LONP2: variants seen among roughly 807,000 people sequenced by gnomAD.
The protein encoded by LONP2 is lon protease homolog 2, peroxisomal.
A neutral mutation model predicts 85.6 loss-of-function variants in LONP2; 60 were observed. That is an observed-to-expected ratio of 0.70 (90% CI 0.57 to 0.87). The LOEUF (loss-of-function observed/expected upper bound fraction) is 0.87. LONP2 is among the 40% of genes least tolerant of loss of function. The pLI, the probability that LONP2 is intolerant of heterozygous loss-of-function variation, is 0.00. For synonymous variants in LONP2, 395 were observed against 389.7 expected, an observed-to-expected ratio of 1.01 and a Z score of -0.16; for missense variants, 860 against 1,063.5, an observed-to-expected ratio of 0.81 and a Z score of 2.66.
rs1352225274 is a variant in LONP2, at chr16:48,356,593, T to TG, written c.*4791_*4792insG. On this transcript the variant is annotated 3_prime_UTR_variant, in exon 15 of 15. Transcript: ENST00000285737. The stretch of plus-strand genomic sequence containing the variant: ...ATGGTCCAACACTAATGCTCATTTT[T>TG]TTTGTTTGTTTTACAAACATTTGGT... 3.8e-6 allele frequency: 1 copy of TG among 262,494 alleles called. No homozygotes were observed. Among genetic ancestry groups the TG allele is most frequent in the Admixed American group, 4.6e-5 (1 of 21,604 alleles). 16.3% of individuals were successfully genotyped at this position (262,494 alleles called of 1,614,324 possible). A position where few individuals can be genotyped will look rare whatever the true frequency, so the allele number is the denominator to read the frequency against.
chr16:48,361,643 G>A, downstream of LONP2: 1 of 1,613,090 alleles, frequency 6.2e-7, no homozygotes, highest in South Asian at 1.1e-5. Flanking sequence ...GCTGTGCAAT[G>A]CTGGTGTCAA....
chr16:48,252,201 A>G lies in LONP2; in HGVS notation c.304A>G (p.Ile102Val). Reference protein sequence around the residue: ...NWPKPHYTLLITGLCRFQIVQ... With the variant: ...NWPKPHYTLLVTGLCRFQIVQ... ...GCCCAAGCCCCACTACACTCTGTTG[A>G]TTACAGGCCTATGCCGTTTCCAGAT... Residue 102 changes from isoleucine (I) to valine (V), a missense_variant, in exon 2 of 15, where the codon ATT (isoleucine) becomes GTT (valine). By Grantham distance (29) the Ile-to-Val change is conservative. Transcript: ENST00000285737. 6.2e-7 allele frequency: 1 copy of G among 1,613,888 alleles called. No homozygotes were observed. The highest frequency in any genetic ancestry group is 8.5e-7 in the Non-Finnish European group (1 of 1,179,810).
intron 7 of LONP2, among the ~76,000 whole-genome samples, chr16:48,272,971 C>G (rs75838561): frequency 1.3e-5 from 2 of 152,150 alleles, no homozygotes; most frequent in African/African-American, 4.8e-5. Flanking sequence ...ACCGACAATT[C>G]CAGCACAACC....
At chr16:48,288,905 G>A (rs1433078660) in intron 8 of LONP2, among the ~76,000 whole-genome samples, 1 of 152,144 alleles carries the variant, frequency 6.6e-6, no homozygotes, top group East Asian at 1.9e-4. Context: ...ATATGTACCA[G>A]TGTGCCCATA....
intron 7 of LONP2, among the ~76,000 whole-genome samples, chr16:48,276,481 A>C (rs1020187929): frequency 6.6e-6 from 1 of 152,204 alleles, no homozygotes; most frequent in Non-Finnish European, 1.5e-5. Context: ...CAGGGTTATA[A>C]TTAAAATTAG....
At chr16:48,303,062 G>A in intron 10 of LONP2, 110 bp from the exon 11 acceptor site, 1 of 1,145,596 alleles carries the variant, frequency 8.7e-7, no homozygotes, top group Non-Finnish European at 1.2e-6. Context: ...TCAAGAAAGG[G>A]TAATGAACTT....
Position 48,261,590 on chromosome 16 carries a change from A to G in LONP2, c.887+3A>G. On this transcript the variant is annotated splice_donor_region_variant and intron_variant, in intron 5 of 14. Coordinates refer to ENST00000285737, the MANE Select transcript of LONP2 (RefSeq NM_031490.5). Reference sequence around the variant, plus strand: ...GTCTGTGTCAAAGAGATAAAGAGGTAAATTATAAAAGGCATTTGTTCATTA... The same window carrying G: ...GTCTGTGTCAAAGAGATAAAGAGGTGAATTATAAAAGGCATTTGTTCATTA... The G allele has an allele frequency of 6.4e-7, 1 of 1,550,388 alleles. No individual in the cohort carries two copies. The highest frequency in any genetic ancestry group is 8.7e-7 in the Non-Finnish European group (1 of 1,148,462).
intron 12 of LONP2, among the ~76,000 whole-genome samples, 182 bp from the exon 13 acceptor site, chr16:48,347,325 T>G (rs1331255707): frequency 1.3e-5 from 2 of 152,214 alleles, no homozygotes; most frequent in East Asian, 1.9e-4. Context: ...GTTTAGGTCT[T>G]TCTTCTGGCA....
At chr16:48,267,444 C>T (rs1972013532) in intron 6 of LONP2, among the ~76,000 whole-genome samples, 1 of 152,012 alleles carries the variant, frequency 6.6e-6, no homozygotes, top group Non-Finnish European at 1.5e-5. Context: ...GGATTACAGG[C>T]GCTTGCAACC....
chr16:48,331,543 C>T (rs1422437547), intron 11 of LONP2, among the ~76,000 whole-genome samples: 1 of 151,634 alleles, frequency 6.6e-6, no homozygotes, highest in Non-Finnish European at 1.5e-5. Flanking sequence ...GTGCATTGCT[C>T]TTTGCCGTCT....
rs1242281237 is a variant in LONP2, at chr16:48,261,570, T to C, written c.870T>C (p.Cys290=). ...TGCCAGAGCAGGCCCATAAAGTCTGTGTCAAAGAGATAAAGAGGTAAATTA... is the reference window on the plus strand; with the variant it reads ...TGCCAGAGCAGGCCCATAAAGTCTGCGTCAAAGAGATAAAGAGGTAAATTA... ...SSMPEQAHKV[C]VKEIKRLKKM... The change falls in exon 5 of 15, where the codon TGT becomes TGC. Residue 290 remains cysteine (C), a synonymous_variant. Transcript: ENST00000285737. 1 of 1,586,022 alleles carries C rather than the reference T, an allele frequency of 6.3e-7. No individual in the cohort carries two copies. Among genetic ancestry groups the C allele is most frequent in the East Asian group, 2.3e-5 (1 of 43,922 alleles).
chr16:48,266,297 G>A (rs75917523), intron 6 of LONP2, among the ~76,000 whole-genome samples: 2,089 of 151,108 alleles, frequency 0.014, 48 homozygotes, highest in African/African-American at 0.048. Flanking sequence ...GAGCCACTGC[G>A]TCTGGCCCTT....
chr16:48,334,750 G>A, intron 12 of LONP2: 1 of 547,014 alleles, frequency 1.8e-6, no homozygotes, highest in Non-Finnish European at 3.6e-6. Context: ...CAGGTAAGAT[G>A]CCCTACCTGT....
chr16:48,249,486 A>G (rs1971568457), intron 1 of LONP2, among the ~76,000 whole-genome samples: 1 of 152,212 alleles, frequency 6.6e-6, no homozygotes, highest in Admixed American at 6.5e-5. Flanking sequence ...CCCAATATAC[A>G]ATAGATTCTT....
chr16:48,323,590 G>A (rs1162933862), intron 11 of LONP2, among the ~76,000 whole-genome samples: 2 of 151,778 alleles, frequency 1.3e-5, no homozygotes, highest in South Asian at 2.1e-4. Flanking sequence ...CCTGGGAGGC[G>A]GAGGTTGCAG....
At chr16:48,324,833 G>A (rs1973336227) in intron 11 of LONP2, among the ~76,000 whole-genome samples, 1 of 151,832 alleles carries the variant, frequency 6.6e-6, no homozygotes, top group African/African-American at 2.4e-5. Flanking sequence ...ATATTTATGG[G>A]GTATAGTGTG....
At chr16:48,245,316 TA>T (rs1872571000) in intron 1 of LONP2, among the ~76,000 whole-genome samples, 1 of 152,192 alleles carries the variant, frequency 6.6e-6, no homozygotes, top group African/African-American at 2.4e-5. Context: ...CTTACTACTA[TA>T]TTGCCCAGTA....
chr16:48,277,670 T>C (rs74016385), intron 8 of LONP2, among the ~76,000 whole-genome samples, 191 bp downstream of exon 8: 2,084 of 151,898 alleles, frequency 0.014, 48 homozygotes, highest in African/African-American at 0.048. Context: ...TAAGTCCCCT[T>C]TTTTTTTATT....
intron 12 of LONP2, among the ~76,000 whole-genome samples, 187 bp from the exon 13 acceptor site, chr16:48,347,320 G>T (rs1959995225): frequency 6.6e-6 from 1 of 152,186 alleles, no homozygotes; most frequent in Admixed American, 6.5e-5. Flanking sequence ...AGGAAGTTTA[G>T]GTCTTTCTTC....
Sources: gnomAD v4.1 joint callset for allele counts (sites outside exome capture counted in the v4.1 genomes callset) on GRCh38, gnomAD v4.1.1 for gene constraint, MANE v1.5 for transcripts, NCBI Gene and HGNC (gene_info 2026-07-23, HGNC 2026-07-21) for gene names.